Variants in POGZ observed in about 807,000 individuals in gnomAD.
POGZ encodes pogo transposable element derived with ZNF domain.
In POGZ, 17 loss-of-function variants were observed where a neutral mutation model predicts 134.6. The ratio of observed to expected loss-of-function variants is 0.13; its 90% CI spans 0.09 to 0.19. POGZ has a LOEUF of 0.19. Among genes scored for constraint, POGZ ranks in the 10% least tolerant of loss-of-function variants. The pLI is 1.00. For missense variants in POGZ, 1,306 were observed against 1,769.7 expected (o/e 0.74, Z 4.70); for synonymous variants, 693 against 657.1 (o/e 1.05, Z -0.84).
At chr1:151,458,678 C>CCGCCCG (rs1217019824) in intron 1 of POGZ, among the ~76,000 whole-genome samples, 4 of 145,634 alleles carry the variant, frequency 2.7e-5, no homozygotes, top group Admixed American at 6.8e-5. Context: ...CGTCTCGCCA[C>CCGCCCG]CGCCCGCGCC....
At chr1:151,443,836 G>C (rs897485631) in intron 1 of POGZ, among the ~76,000 whole-genome samples, 23 of 152,182 alleles carry the variant, frequency 1.5e-4, no homozygotes, top group Admixed American at 2.6e-4. Flanking sequence ...CTCTGTGTTG[G>C]AACGGGAGTA....
At chr1:151,414,113 A>C (rs955148738) in intron 10 of POGZ, among the ~76,000 whole-genome samples, 2 of 152,244 alleles carry the variant, frequency 1.3e-5, no homozygotes, top group Non-Finnish European at 2.9e-5. Flanking sequence ...AGGAAAAGCT[A>C]TAACAACATA....
chr1:151,458,935 G>A (rs1663156390), intron 1 of POGZ, among the ~76,000 whole-genome samples: 1 of 144,122 alleles, frequency 6.9e-6, no homozygotes, highest in Non-Finnish European at 1.5e-5. Context: ...ACACACTCGC[G>A]CTCGCGCGCC....
Position 151,412,312 on chromosome 1 carries a change from A to G in POGZ, c.1763T>C (p.Met588Thr), listed in dbSNP as rs958378867. 1.3e-6 allele frequency: 2 copies of G among 1,592,510 alleles called. No homozygotes were observed. Among genetic ancestry groups the G allele is most frequent in the Non-Finnish European group, 1.7e-6 (2 of 1,162,882 alleles). ...AGGCAATACCTGGCAAACATAAGGCATCTCTCCAGGCTTATGAGTATCCTT... is the reference window on the plus strand; with the variant it reads ...AGGCAATACCTGGCAAACATAAGGCGTCTCTCCAGGCTTATGAGTATCCTT... ...HMKDTHKPGEMPYVCQVCQYR... is the reference protein window; with the variant it reads ...HMKDTHKPGETPYVCQVCQYR... The change falls in exon 11 of 19, where the codon ATG (methionine) becomes ACG (threonine). Residue 588 changes from methionine to threonine, a missense_variant. This residue lies in a region of POGZ where 149 missense variants were observed against 237.5 expected (regional missense o/e 0.63). Transcript: ENST00000271715.
intron 7 of POGZ, chr1:151,425,402 T>C (rs761533709): frequency 4.8e-5 from 8 of 167,664 alleles, no homozygotes; most frequent in Non-Finnish European, 9.1e-5. Context: ...TACCAGTTTC[T>C]GTTTGGCCCA....
At chr1:151,448,454 T>C (rs1483168549) in intron 1 of POGZ, among the ~76,000 whole-genome samples, 2 of 152,034 alleles carry the variant, frequency 1.3e-5, no homozygotes, top group East Asian at 1.9e-4. Flanking sequence ...TCTATTAAAA[T>C]TTTTAAAAAA....
rs544147513 is a variant in POGZ at position 151,423,763 on chromosome 1, G to A, written c.1523+186C>T. On this transcript the variant is annotated intron_variant, in intron 9 of 18. Coordinates refer to ENST00000271715, the MANE Select transcript of POGZ (RefSeq NM_015100.4). ...GGAGACATACTGCTTTCCCTTACTC[G>A]ATCCAGTTACCTTTTGTTTATTACC... Among the ~76,000 whole-genome samples, 100 of 152,090 alleles carry A rather than the reference G, an allele frequency of 6.6e-4. 2 individuals carry two copies. The South Asian group carries it at 0.019, about 28-fold the overall frequency.
chr1:151,423,574 A>C, intron 9 of POGZ, 23 bp from the exon 10 acceptor site: 1 of 1,572,076 alleles, frequency 6.4e-7, no homozygotes, highest in Non-Finnish European at 8.7e-7. Flanking sequence ...ACAAAGAGAA[A>C]GTACAGAAAA....
intron 3 of POGZ, among the ~76,000 whole-genome samples, chr1:151,440,186 CTT>C (rs113952080): frequency 6.9e-6 from 1 of 144,190 alleles, no homozygotes. Context: ...TTTTTTGTTC[CTT>C]TTTTTTTTCA....
chr1:151,457,334 A>G (rs951610214), intron 1 of POGZ, among the ~76,000 whole-genome samples: 2 of 152,212 alleles, frequency 1.3e-5, no homozygotes, highest in African/African-American at 4.8e-5. Flanking sequence ...TTCTCAATGT[A>G]GTGGTTACAT....
At chr1:151,438,579 A>G (rs1480441149) in intron 3 of POGZ, among the ~76,000 whole-genome samples, 1 of 152,082 alleles carries the variant, frequency 6.6e-6, no homozygotes, top group Non-Finnish European at 1.5e-5. Flanking sequence ...AGCATGTCAC[A>G]AGATGCTCAG....
chr1:151,433,987 T>C (rs1054098314), intron 3 of POGZ, among the ~76,000 whole-genome samples: 1 of 152,110 alleles, frequency 6.6e-6, no homozygotes, highest in Non-Finnish European at 1.5e-5. Context: ...GAGTCCAGCC[T>C]GGACAACACA....
rs751390160 is a variant in POGZ, at chr1:151,442,166, C to T, written c.39G>A (p.Glu13=). The T allele has an allele frequency of 3.7e-6, 6 of 1,613,234 alleles. No homozygotes were observed. Among genetic ancestry groups the T allele is most frequent in the Non-Finnish European group, 5.1e-6 (6 of 1,179,332 alleles). The change falls in exon 2 of 19, where the codon GAG becomes GAA. Residue 13 remains glutamate (E), a synonymous_variant. Transcript: ENST00000271715. ...DTDLFMECEE[E]ELEPWQKISD... is the part of the protein sequence containing the mutation. ...TGATTTTCTGCCATGGCTCCAACTCCTCCTCCTCACATTCCATGAACAGGT... is the reference window on the plus strand; with the variant it reads ...TGATTTTCTGCCATGGCTCCAACTCTTCCTCCTCACATTCCATGAACAGGT...
intron 1 of POGZ, among the ~76,000 whole-genome samples, chr1:151,453,201 T>C (rs149158722): frequency 0.023 from 3,513 of 152,092 alleles, 136 homozygotes; most frequent in African/African-American, 0.08. Context: ...GTTACAGGTG[T>C]GAGCCACTGC....
At position 151,408,456 on chromosome 1, in the gene POGZ, A is replaced by C. The variant is rs1654063039; in HGVS notation, c.2187T>G (p.Leu729=). Residue 729 remains leucine (L), a synonymous_variant, in exon 14 of 19, where the codon CTT becomes CTG. Transcript: ENST00000271715. ...TSSMDPLPVF[L]YPPVQRSIQK... ...GGATGCTGCGCTGGACAGGGGGATA[A>C]AGGAAGACAGGCAGAGGGTCCATTG... 6.3e-7 allele frequency: 1 copy of C among 1,593,490 alleles called. No individual in the cohort carries two copies. The highest frequency in any genetic ancestry group is 8.5e-7 in the Non-Finnish European group (1 of 1,175,016).
intron 3 of POGZ, among the ~76,000 whole-genome samples, chr1:151,439,883 T>C (rs1205145692): frequency 6.6e-6 from 1 of 152,188 alleles, no homozygotes; most frequent in East Asian, 1.9e-4. Context: ...GAATGTTCAC[T>C]GAAGCTCTTA....
chr1:151,436,517 C>T (rs1382901203), intron 3 of POGZ, among the ~76,000 whole-genome samples: 1 of 152,042 alleles, frequency 6.6e-6, no homozygotes. Context: ...GATCTCAGCT[C>T]ACAGCAACCT....
chr1:151,456,106 T>C (rs972119559), intron 1 of POGZ, among the ~76,000 whole-genome samples: 4 of 152,118 alleles, frequency 2.6e-5, no homozygotes, highest in Non-Finnish European at 5.9e-5. Context: ...ATCCACTTTT[T>C]TACTGTTAAA....
chr1:151,427,783 T>C (rs766893916), intron 7 of POGZ, 40 bp downstream of exon 7: 5 of 1,313,806 alleles, frequency 3.8e-6, no homozygotes, highest in Middle Eastern at 1.9e-4. Flanking sequence ...ATTAATGTTT[T>C]TGAATGACTG....
Sources: gnomAD v4.1 joint callset for allele counts (sites outside exome capture counted in the v4.1 genomes callset) on GRCh38, gnomAD v4.1.1 for gene constraint, gnomAD v4.1.1 regional missense constraint, MANE v1.5 for transcripts, NCBI Gene and HGNC (gene_info 2026-07-23, HGNC 2026-07-21) for gene names.